Variants in DLG2 observed in about 807,000 individuals in gnomAD.
DLG2 encodes the protein disks large homolog 2.
A neutral mutation model predicts 132.5 loss-of-function variants in DLG2; 45 were observed. The ratio of observed to expected loss-of-function variants is 0.34; its 90% CI spans 0.27 to 0.44. The LOEUF is 0.44. DLG2 is among the 20% of genes least tolerant of loss of function. The pLI, the probability that DLG2 is intolerant of heterozygous loss-of-function variation, is 1.00. For missense variants in DLG2, 1,045 were observed against 1,196.9 expected (o/e 0.87, Z 1.87); for synonymous variants, 424 against 419.6 (o/e 1.01, Z -0.13).
At chr11:85,075,551 A>T (rs2066420769) in intron 6 of DLG2, among the ~76,000 whole-genome samples, 1 of 151,894 alleles carries the variant, frequency 6.6e-6, no homozygotes, top group African/African-American at 2.4e-5. Context: ...AATTTCAAAA[A>T]ACCCCAAATT....
At chr11:85,066,077 G>A (rs751493399) in intron 6 of DLG2, among the ~76,000 whole-genome samples, 1 of 151,392 alleles carries the variant, frequency 6.6e-6, no homozygotes, top group African/African-American at 2.4e-5. Context: ...AGGAAACACA[G>A]AATTTTCAAA....
intron 19 of DLG2, among the ~76,000 whole-genome samples, chr11:83,584,071 G>T (rs1270781511): frequency 6.6e-6 from 1 of 152,112 alleles, no homozygotes; most frequent in Non-Finnish European, 1.5e-5. Context: ...CACTTGTAAA[G>T]GACAACATCA....
intron 3 of DLG2, among the ~76,000 whole-genome samples, chr11:85,472,681 A>AC (rs2093023220): frequency 2.0e-5 from 3 of 152,148 alleles, no homozygotes; most frequent in Admixed American, 2.0e-4. Context: ...TAAATGTGGG[A>AC]AAAGAATCTG....
At chr11:85,039,466 G>C (rs481364) in intron 6 of DLG2, among the ~76,000 whole-genome samples, 5 of 151,836 alleles carry the variant, frequency 3.3e-5, no homozygotes, top group Admixed American at 3.3e-4. Context: ...CCATTCCCTA[G>C]TTGTATAAGC....
intron 6 of DLG2, among the ~76,000 whole-genome samples, chr11:84,915,270 C>A (rs928663888): frequency 1.3e-5 from 2 of 151,734 alleles, no homozygotes; most frequent in Admixed American, 6.6e-5. Context: ...TTTCCCCCCC[C>A]ATTATTTTTC....
chr11:83,604,384 T>G (rs534607713), intron 19 of DLG2, among the ~76,000 whole-genome samples: 75 of 152,318 alleles, frequency 4.9e-4, no homozygotes, highest in Admixed American at 1.3e-3. Flanking sequence ...GAGAATATAT[T>G]TTTCTTTAAT....
At position 84,386,751 on chromosome 11, in the gene DLG2, G is replaced by A. The variant is rs190680484; in HGVS notation, c.520-135460C>T. Among the ~76,000 whole-genome samples, 129 of 152,056 alleles carry A rather than the reference G, an allele frequency of 8.5e-4. 3 individuals are homozygous for A. Among genetic ancestry groups the A allele is most frequent in the Non-Finnish European group, 1.3e-3 (87 of 67,986 alleles). ...CTCATGAGAGAATGTTTCTCACATC[G>A]AGGTCAAATAGATTTTTTTCCTTCA... On this transcript the variant is annotated intron_variant, in intron 7 of 27. Coordinates refer to ENST00000376104, the MANE Select transcript of DLG2 (RefSeq NM_001142699.3).
intron 9 of DLG2, among the ~76,000 whole-genome samples, chr11:84,128,731 GC>G (rs1277737838): frequency 6.6e-6 from 1 of 151,952 alleles, no homozygotes; most frequent in Non-Finnish European, 1.5e-5. Flanking sequence ...CATTTAGGGG[GC>G]AATATACACT....
intron 18 of DLG2, among the ~76,000 whole-genome samples, chr11:83,712,013 G>C: frequency 6.6e-6 from 1 of 152,076 alleles, no homozygotes; most frequent in Middle Eastern, 3.4e-3. Context: ...CAAAAAAACC[G>C]GATCTTGGTG....
chr11:84,632,684 C>T (rs576381729), intron 6 of DLG2, among the ~76,000 whole-genome samples: 2 of 152,300 alleles, frequency 1.3e-5, no homozygotes, highest in East Asian at 3.9e-4. Flanking sequence ...TTCTAATACG[C>T]TTAAGCCATC....
At chr11:85,227,813 T>C (rs2075064041) in intron 4 of DLG2, among the ~76,000 whole-genome samples, 1 of 151,978 alleles carries the variant, frequency 6.6e-6, no homozygotes, top group Non-Finnish European at 1.5e-5. Flanking sequence ...CTACTCTGTC[T>C]ATCTCTTATT....
rs897183585 is a variant in DLG2, at chr11:84,969,351, A to C, written c.357+142310T>G. The stretch of plus-strand genomic sequence containing the variant: ...AGTGCTGTGTCTGAGACTGCTACTT[A>C]CGTCTGCTTCCTACCACTGAATCCT... On this transcript the variant is annotated intron_variant, in intron 6 of 27. Coordinates refer to ENST00000376104, the MANE Select transcript of DLG2 (RefSeq NM_001142699.3). Among the ~76,000 whole-genome samples the C allele has an allele frequency of 1.8e-4, 27 of 152,240 alleles. 4 individuals are homozygous for C. The highest frequency in any genetic ancestry group is 6.5e-4 in the African/African-American group (27 of 41,564).
At chr11:84,290,140 A>T (rs548745455) in intron 7 of DLG2, among the ~76,000 whole-genome samples, 2 of 152,272 alleles carry the variant, frequency 1.3e-5, no homozygotes, top group South Asian at 4.1e-4. Flanking sequence ...TCACTGAGCA[A>T]AGGCAAAAAT....
intron 6 of DLG2, among the ~76,000 whole-genome samples, chr11:84,773,149 C>T (rs2069721806): frequency 6.6e-6 from 1 of 152,112 alleles, no homozygotes; most frequent in Non-Finnish European, 1.5e-5. Flanking sequence ...CCATTATGAA[C>T]ACCTCCATGA....
chr11:83,550,411 G>A (rs7940037), intron 19 of DLG2, among the ~76,000 whole-genome samples: 1 of 151,878 alleles, frequency 6.6e-6, no homozygotes, highest in Admixed American at 6.6e-5. Flanking sequence ...TTTTGGACAA[G>A]TCATCAGAGT....
chr11:83,651,391 A>C (rs1489617769), intron 18 of DLG2, among the ~76,000 whole-genome samples: 1 of 152,202 alleles, frequency 6.6e-6, no homozygotes, highest in Non-Finnish European at 1.5e-5. Context: ...AGCTGTACAA[A>C]GTAGGGGTCT....
At chr11:85,153,314 G>C (rs1342063624) in intron 5 of DLG2, among the ~76,000 whole-genome samples, 2 of 151,968 alleles carry the variant, frequency 1.3e-5, no homozygotes, top group African/African-American at 4.8e-5. Flanking sequence ...CTCCTCTAAA[G>C]GTATTTTCTT....
chr11:84,955,960 A>C (rs539969489), intron 6 of DLG2, among the ~76,000 whole-genome samples: 1 of 152,326 alleles, frequency 6.6e-6, no homozygotes, highest in South Asian at 2.1e-4. Flanking sequence ...TGAGGTTCCA[A>C]AACAGCACAA....
chr11:85,247,298 C>T (rs1245129111), intron 4 of DLG2, among the ~76,000 whole-genome samples: 1 of 152,000 alleles, frequency 6.6e-6, no homozygotes, highest in Non-Finnish European at 1.5e-5. Flanking sequence ...AACTCTACTG[C>T]TGCTGCATTT....
Sources: gnomAD v4.1 joint callset for allele counts (sites outside exome capture counted in the v4.1 genomes callset) on GRCh38, gnomAD v4.1.1 for gene constraint, MANE v1.5 for transcripts, NCBI Gene and HGNC (gene_info 2026-07-23, HGNC 2026-07-21) for gene names.